ARHGEF28: variants seen among roughly 807,000 people sequenced by gnomAD.
ARHGEF28 encodes Rho guanine nucleotide exchange factor 28, also known as 190 kDa guanine nucleotide exchange factor.
Under a neutral mutation model 206.6 loss-of-function variants are expected in ARHGEF28, and 152 were observed. The ratio of observed to expected loss-of-function variants is 0.74; its 90% CI spans 0.64 to 0.84. ARHGEF28 has a LOEUF of 0.84. Ranked by LOEUF, ARHGEF28 falls within the 40% of genes least tolerant of loss-of-function variation. The pLI is 0.00. For synonymous variants in ARHGEF28, 763 were observed against 776.4 expected (o/e 0.98, Z 0.29); for missense variants, 2,028 against 2,073.2 (o/e 0.98, Z 0.42).
At chr5:73,927,363 T>A (rs1763878366) in intron 35 of ARHGEF28, among the ~76,000 whole-genome samples, 1 of 152,062 alleles carries the variant, frequency 6.6e-6, no homozygotes, top group Admixed American at 6.5e-5. Flanking sequence ...AAAACAAGAC[T>A]GTCTTAAAAA....
chr5:73,909,645 G>A lies in ARHGEF28; in HGVS notation c.4395G>A (p.Gln1465=), dbSNP rs1210289677. 1.3e-6 allele frequency: 2 copies of A among 1,547,934 alleles called. No individual in the cohort carries two copies. Among genetic ancestry groups the A allele is most frequent in the African/African-American group, 2.7e-5 (2 of 73,166 alleles). ...LRRCEQQQRA[Q]ATRESWLQER... is the part of the protein sequence containing the mutation. ...GGTGTGAGCAGCAGCAGCGGGCGCAGGCGACCAGGGAGAGCTGGCTGCAGG... is the reference window on the plus strand; with the variant it reads ...GGTGTGAGCAGCAGCAGCGGGCGCAAGCGACCAGGGAGAGCTGGCTGCAGG... The change falls in exon 34 of 36, where the codon CAG becomes CAA. Residue 1465 remains glutamine, a synonymous_variant. Coordinates refer to ENST00000513042, the MANE Select transcript of ARHGEF28 (RefSeq NM_001177693.2).
In ARHGEF28 at chr5:73,773,884, C is replaced by A; in HGVS notation, c.505C>A (p.Leu169Met). Residue 169 changes from leucine (L) to methionine (M), a missense_variant, in exon 5 of 36, where the codon CTG becomes ATG. Physicochemically the swap from Leu to Met is conservative, Grantham distance 15 (BLOSUM62 2). Around this residue, in one of 3 missense-constraint regions of ARHGEF28, gnomAD observed 1,002 missense variants for 1,015.3 expected, o/e 0.99. Transcript: ENST00000513042. ...TTCTCACAGAGAATCTCTTCTACAC[C>A]TGGCTATGAGATGGGGCCTGGCTAA... ...VSSHRESLLH[L>M]AMRWGLAKLS... is the part of the protein sequence containing the mutation. The A allele has an allele frequency of 6.2e-7, 1 of 1,607,918 alleles. No homozygotes were observed. Among genetic ancestry groups the A allele is most frequent in the East Asian group, 2.2e-5 (1 of 44,784 alleles).
At chr5:73,694,911 A>G (rs1022742677) in intron 2 of ARHGEF28, among the ~76,000 whole-genome samples, 10 of 152,254 alleles carry the variant, frequency 6.6e-5, no homozygotes, top group Non-Finnish European at 1.0e-4. Context: ...GGAGTAGGAG[A>G]CAGAAAGTAA....
chr5:73,674,240 T>C (rs1164809126), intron 1 of ARHGEF28, among the ~76,000 whole-genome samples: 1 of 152,210 alleles, frequency 6.6e-6, no homozygotes, highest in African/African-American at 2.4e-5. Context: ...CCCAAGCCTG[T>C]ATTCCTAACT....
At chr5:73,836,072 C>T (rs1366825163) in intron 10 of ARHGEF28, among the ~76,000 whole-genome samples, 2 of 152,150 alleles carry the variant, frequency 1.3e-5, no homozygotes, top group Non-Finnish European at 2.9e-5. Context: ...AGGTTGATTC[C>T]ATCTCTTGGC....
At chr5:73,870,026 GC>G in intron 20 of ARHGEF28, 42 bp from the exon 21 acceptor site, 1 of 1,597,310 alleles carries the variant, frequency 6.3e-7, no homozygotes, top group Non-Finnish European at 8.5e-7. Context: ...TATTTGTGCT[GC>G]ATTATTGTAC....
At chr5:73,767,739 G>A (rs1485914783) in intron 4 of ARHGEF28, among the ~76,000 whole-genome samples, 1 of 152,204 alleles carries the variant, frequency 6.6e-6, no homozygotes, top group Non-Finnish European at 1.5e-5. Context: ...ATTTTCTGAG[G>A]AGAAATTCAA....
At chr5:73,785,619 G>A (rs140195147) in intron 7 of ARHGEF28, among the ~76,000 whole-genome samples, 246 of 152,206 alleles carry the variant, frequency 1.6e-3, no homozygotes, top group Admixed American at 0.01. Context: ...GGGCTATAAC[G>A]CAACCTGAGA....
chr5:73,792,230 A>G (rs1022635163), intron 7 of ARHGEF28, among the ~76,000 whole-genome samples: 123 of 152,280 alleles, frequency 8.1e-4, no homozygotes, highest in African/African-American at 2.9e-3. Context: ...CATATATTTT[A>G]ATATAGTTTG....
At chr5:73,858,033 G>GT in intron 15 of ARHGEF28, 54 bp from the exon 16 acceptor site, 1 of 1,552,198 alleles carries the variant, frequency 6.4e-7, no homozygotes. Flanking sequence ...GGCTCACAGC[G>GT]TTTTCCTTTT....
At chr5:73,733,315 T>C (rs536809656) in intron 2 of ARHGEF28, among the ~76,000 whole-genome samples, 2 of 152,360 alleles carry the variant, frequency 1.3e-5, no homozygotes, top group Admixed American at 1.3e-4. Flanking sequence ...CATTTGACTG[T>C]CACTAAAATC....
intron 2 of ARHGEF28, among the ~76,000 whole-genome samples, chr5:73,686,135 C>G (rs1747452624): frequency 6.6e-6 from 1 of 152,086 alleles, no homozygotes; most frequent in Admixed American, 6.5e-5. Context: ...CTCTAGTACT[C>G]TCTCTAGGTT....
At chr5:73,898,848 C>T (rs1762106626) in intron 30 of ARHGEF28, 1 of 152,188 alleles carries the variant, frequency 6.6e-6, no homozygotes, top group African/African-American at 2.4e-5. Context: ...GTATACTTTT[C>T]ATCCTGTGCA....
intron 2 of ARHGEF28, among the ~76,000 whole-genome samples, chr5:73,705,810 T>A (rs751374819): frequency 9.8e-5 from 15 of 152,322 alleles, no homozygotes; most frequent in Non-Finnish European, 2.2e-4. Flanking sequence ...TCATAGACCA[T>A]GTTGTCATCT....
chr5:73,675,941 A>G (rs944727048), intron 1 of ARHGEF28, among the ~76,000 whole-genome samples: 4 of 152,006 alleles, frequency 2.6e-5, no homozygotes, highest in Admixed American at 2.6e-4. Context: ...AGGAATGGAT[A>G]GAACGTGAAC....
At chr5:73,672,345 T>C (rs756851619) in intron 1 of ARHGEF28, among the ~76,000 whole-genome samples, 18 of 152,224 alleles carry the variant, frequency 1.2e-4, no homozygotes, top group Middle Eastern at 3.2e-3. Context: ...GTCTTCATAC[T>C]GAACTCCGAC....
chr5:73,638,827 C>T (rs139977873), intron 1 of ARHGEF28, among the ~76,000 whole-genome samples: 1 of 152,250 alleles, frequency 6.6e-6, no homozygotes. Flanking sequence ...AAGTGTATCA[C>T]GTCTCAATAA....
chr5:73,825,051 A>C (rs553983290), intron 9 of ARHGEF28, among the ~76,000 whole-genome samples: 62 of 152,300 alleles, frequency 4.1e-4, no homozygotes, highest in Non-Finnish European at 2.9e-5. Flanking sequence ...GTGAATATTC[A>C]TTATCCACTG....
intron 3 of ARHGEF28, among the ~76,000 whole-genome samples, chr5:73,751,431 A>G (rs1752015277): frequency 6.6e-6 from 1 of 152,070 alleles, no homozygotes; most frequent in South Asian, 2.1e-4. Flanking sequence ...AAAAACCAAA[A>G]CAAATCTAAT....
Sources: allele counts gnomAD v4.1 joint callset (sites outside exome capture counted in the v4.1 genomes callset), GRCh38; gene constraint gnomAD v4.1.1; regional missense constraint gnomAD v4.1.1; transcripts MANE v1.5; gene names NCBI Gene and HGNC (gene_info 2026-07-23, HGNC 2026-07-21).